KLHL32: variants seen among roughly 807,000 people sequenced by gnomAD.
KLHL32 encodes the protein kelch like family member 32.
A neutral mutation model predicts 64.8 loss-of-function variants in KLHL32; 35 were observed. The observed-to-expected ratio is 0.54, with a 90% CI of 0.41 to 0.72. KLHL32 has a LOEUF of 0.72. KLHL32 is among the 30% of genes least tolerant of loss of function. The pLI is 0.00. For synonymous variants in KLHL32, 259 were observed against 281.0 expected, an observed-to-expected ratio of 0.92 and a Z score of 0.78; for missense variants, 589 against 768.5, an observed-to-expected ratio of 0.77 and a Z score of 2.76.
chr6:96,956,391 C>CA (rs1773285631), intron 1 of KLHL32, among the ~76,000 whole-genome samples: 1 of 152,208 alleles, frequency 6.6e-6, no homozygotes, highest in South Asian at 2.1e-4. Context: ...CCTCTTCCTC[C>CA]AACAGTCTTC....
At chr6:97,117,665 C>A (rs1327311180) in intron 7 of KLHL32, among the ~76,000 whole-genome samples, 1 of 152,164 alleles carries the variant, frequency 6.6e-6, no homozygotes, top group Non-Finnish European at 1.5e-5. Context: ...GTGTTCCATA[C>A]CATTTTGATT....
At chr6:97,093,666 G>A (rs141103064) in intron 6 of KLHL32, among the ~76,000 whole-genome samples, 1 of 151,088 alleles carries the variant, frequency 6.6e-6, no homozygotes, top group Non-Finnish European at 1.5e-5. Flanking sequence ...AAGTCGTACA[G>A]GAAAGTGTTG....
intron 6 of KLHL32, among the ~76,000 whole-genome samples, chr6:97,087,091 T>G (rs759834222): frequency 6.6e-6 from 1 of 151,916 alleles, no homozygotes; most frequent in Non-Finnish European, 1.5e-5. Context: ...ATGTAGAATT[T>G]TAAAAGCTGC....
At chr6:96,970,344 C>T (rs1054530582) in intron 2 of KLHL32, among the ~76,000 whole-genome samples, 21 of 152,332 alleles carry the variant, frequency 1.4e-4, no homozygotes, top group South Asian at 6.2e-4. Context: ...GCACCGTGTT[C>T]TCCTTTGTCC....
chr6:97,136,092 C>A (rs1799976961), intron 10 of KLHL32, among the ~76,000 whole-genome samples: 1 of 152,096 alleles, frequency 6.6e-6, no homozygotes, highest in African/African-American at 2.4e-5. Flanking sequence ...TATATTTGAT[C>A]CAAGATTAAT....
chr6:97,001,515 TG>T (rs1255519839), intron 3 of KLHL32, among the ~76,000 whole-genome samples: 3 of 152,160 alleles, frequency 2.0e-5, no homozygotes. Context: ...TCACTCAGAC[TG>T]AAGTGCAGTG....
chr6:97,139,042 G>C, intron 10 of KLHL32, 79 bp from the exon 11 acceptor site: 1 of 1,355,898 alleles, frequency 7.4e-7, no homozygotes, highest in East Asian at 2.3e-5. Context: ...TTTAAGTTCA[G>C]AATTTCTTTT....
At chr6:97,027,320 A>C (rs1041769394) in intron 3 of KLHL32, among the ~76,000 whole-genome samples, 8 of 152,200 alleles carry the variant, frequency 5.3e-5, no homozygotes, top group African/African-American at 1.9e-4. Flanking sequence ...CTCTCACTTG[A>C]GCTGGATGTG....
intron 3 of KLHL32, among the ~76,000 whole-genome samples, chr6:96,982,419 CT>C (rs1776426241): frequency 6.6e-6 from 1 of 152,106 alleles, no homozygotes; most frequent in Non-Finnish European, 1.5e-5. Flanking sequence ...TTCTTTATCC[CT>C]TTACATTGAG....
intron 4 of KLHL32, among the ~76,000 whole-genome samples, chr6:97,058,952 A>G (rs1788444601): frequency 6.6e-6 from 1 of 152,218 alleles, no homozygotes; most frequent in African/African-American, 2.4e-5. Context: ...TTGGTCCTTA[A>G]AACAGTTTTT....
chr6:96,929,956 G>A (rs1474062413), intron 1 of KLHL32, among the ~76,000 whole-genome samples: 14 of 152,178 alleles, frequency 9.2e-5, no homozygotes, highest in Non-Finnish European at 1.5e-5. Context: ...GTCTTTGGCA[G>A]TTTTCATGGA....
intron 7 of KLHL32, among the ~76,000 whole-genome samples, chr6:97,116,882 T>C (rs561556956): frequency 6.6e-6 from 1 of 152,370 alleles, no homozygotes; most frequent in South Asian, 2.1e-4. Context: ...TTCTTTGTTC[T>C]TCTTTTGCAC....
At chr6:97,137,348 ATGAG>A (rs1562373759) in intron 10 of KLHL32, among the ~76,000 whole-genome samples, 1 of 152,190 alleles carries the variant, frequency 6.6e-6, no homozygotes, top group Non-Finnish European at 1.5e-5. Context: ...TATTTAGTAT[ATGAG>A]TGAGTTATTT....
chr6:97,114,809 G>A (rs938579605), intron 7 of KLHL32, among the ~76,000 whole-genome samples: 7 of 152,108 alleles, frequency 4.6e-5, no homozygotes, highest in African/African-American at 1.7e-4. Flanking sequence ...GATTATTCAT[G>A]GATTGTATTG....
chr6:97,112,486 G>T (rs1217548467), intron 6 of KLHL32, among the ~76,000 whole-genome samples: 1 of 150,122 alleles, frequency 6.7e-6, no homozygotes, highest in Non-Finnish European at 1.5e-5. Context: ...TTGCTCTGTT[G>T]CCCAGGCTGG....
intron 1 of KLHL32, among the ~76,000 whole-genome samples, chr6:96,935,584 A>G (rs1770496540): frequency 6.6e-6 from 1 of 152,190 alleles, no homozygotes; most frequent in Admixed American, 6.5e-5. Context: ...TTAGGTGGTT[A>G]GTATTGGGCC....
rs968610654 is a variant in KLHL32, at chr6:97,139,395, G to A, written c.*113G>A. 3.3e-5 allele frequency: 31 copies of A among 946,122 alleles called. No individual in the cohort carries two copies. Among genetic ancestry groups the A allele is most frequent in the South Asian group, 1.2e-4 (6 of 52,158 alleles). The allele number at this position is 946,122 out of a possible 1,614,324, so 58.6% of individuals were successfully genotyped here. A position where few individuals can be genotyped will look rare whatever the true frequency, so the allele number is the denominator to read the frequency against. Reference sequence around the variant, plus strand: ...GTCTTGCTTTATAGGTCTTATATTCGGATAAATTTAAGCAAAAAATGAACA... The same window carrying A: ...GTCTTGCTTTATAGGTCTTATATTCAGATAAATTTAAGCAAAAAATGAACA... On this transcript the variant is annotated 3_prime_UTR_variant, in exon 11 of 11. Coordinates refer to ENST00000369261, the MANE Select transcript of KLHL32 (RefSeq NM_052904.4).
At chr6:97,138,225 C>T (rs188277060) in intron 10 of KLHL32, among the ~76,000 whole-genome samples, 24 of 143,664 alleles carry the variant, frequency 1.7e-4, no homozygotes, top group South Asian at 4.8e-4. Flanking sequence ...CAGGCACTGA[C>T]TAACAGAGGC....
At chr6:97,089,342 A>G (rs1313131539) in intron 6 of KLHL32, among the ~76,000 whole-genome samples, 1 of 152,258 alleles carries the variant, frequency 6.6e-6, no homozygotes, top group Non-Finnish European at 1.5e-5. Context: ...ATTCTGGGGT[A>G]AAATGCTTTA....
Sources: allele counts gnomAD v4.1 joint callset (sites outside exome capture counted in the v4.1 genomes callset), GRCh38; gene constraint gnomAD v4.1.1; transcripts MANE v1.5; gene names NCBI Gene and HGNC (gene_info 2026-07-23, HGNC 2026-07-21).